COL11A2: variants seen among roughly 807,000 people sequenced by gnomAD.
COL11A2 encodes collagen type XI alpha 2 chain, also known as collagen alpha-2(XI) chain.
A neutral mutation model predicts 273.4 loss-of-function variants in COL11A2; 116 were observed. The ratio of observed to expected loss-of-function variants is 0.42; its 90% CI spans 0.36 to 0.49. The LOEUF (loss-of-function observed/expected upper bound fraction) is 0.49. COL11A2 is among the 20% of genes least tolerant of loss of function. The pLI, the probability that COL11A2 is intolerant of heterozygous loss-of-function variation, is 0.00. For missense variants in COL11A2, 1,866 were observed against 2,309.0 expected (o/e 0.81, Z 3.93); for synonymous variants, 782 against 864.2 (o/e 0.90, Z 1.67).
Position 33,176,609 on chromosome 6 carries a change from T to A in COL11A2, c.2115+112A>T, listed in dbSNP as rs1349972322. 1 of 1,392,870 alleles carries A rather than the reference T, an allele frequency of 7.2e-7. No homozygotes were observed. Among genetic ancestry groups the A allele is most frequent in the South Asian group, 1.2e-5 (1 of 83,758 alleles). The allele number at this position is 1,392,870 out of a possible 1,614,324, so 86.3% of individuals were successfully genotyped here. On this transcript the variant is annotated intron_variant, in intron 26 of 65. Coordinates refer to ENST00000341947, the MANE Select transcript of COL11A2 (RefSeq NM_080680.3). The surrounding 1 kb of genome is among the most constrained non-coding windows in gnomAD (Gnocchi z 4.9). ...GGGTAGGGTTACGGGGCACAGGAAT[T>A]GAGAATGTGGCAGAGCCATATGAAT...
At position 33,185,741 on chromosome 6, in the gene COL11A2, TA is replaced by T; in HGVS notation, c.835del (p.Tyr279IlefsTer4). 7.4e-7 allele frequency: 1 copy of T among 1,350,940 alleles called. No individual in the cohort carries two copies. Among genetic ancestry groups the T allele is most frequent in the Non-Finnish European group, 9.8e-7 (1 of 1,016,352 alleles). 83.7% of individuals were successfully genotyped at this position (1,350,940 alleles called of 1,614,324 possible). A position where few individuals can be genotyped will look rare whatever the true frequency, so the allele number is the denominator to read the frequency against. ...ESLYYDYEPP[Y>X]YDVMTTGTTP... ...TGTCCCCGTAGTCATCACATCATAATAGGGGGGCTCGTAGTCATAGTAGAGA... is the reference window on the plus strand; with the variant it reads ...TGTCCCCGTAGTCATCACATCATAATGGGGGGCTCGTAGTCATAGTAGAGA... On this transcript the variant is annotated frameshift_variant, in exon 6 of 66. Coordinates refer to ENST00000341947, the MANE Select transcript of COL11A2 (RefSeq NM_080680.3). LOFTEE classifies it high-confidence loss of function.
Position 33,167,944 on chromosome 6 carries a change from T to G in COL11A2, c.3961-92A>C. On this transcript the variant is annotated intron_variant, in intron 54 of 65. Transcript: ENST00000341947. This position sits in a 1 kb window ranked among gnomAD's most constrained non-coding sequence, Gnocchi z 6.1. ...CCTGTCCTAGACACACACATACACA[T>G]GCACACACACACGTGCATACACAGG... 1 of 1,362,850 alleles carries G rather than the reference T, an allele frequency of 7.3e-7. No homozygotes were observed. The highest frequency in any genetic ancestry group is 1.0e-6 in the Non-Finnish European group (1 of 964,028). 84.4% of individuals were successfully genotyped at this position (1,362,850 alleles called of 1,614,324 possible).
chr6:33,175,049 G>A (rs951312717), intron 30 of COL11A2, among the ~76,000 whole-genome samples: 2 of 152,192 alleles, frequency 1.3e-5, no homozygotes, highest in Admixed American at 1.3e-4. Flanking sequence ...GGGCTTAGAA[G>A]CAGAGATTCT....
chr6:33,187,227 T>A (rs947526601), intron 4 of COL11A2, among the ~76,000 whole-genome samples: 2 of 152,198 alleles, frequency 1.3e-5, no homozygotes, highest in Non-Finnish European at 2.9e-5. Context: ...TTTAGATGCC[T>A]TGGCCTTCCA....
At chr6:33,182,522 G>C (rs1424011247) in intron 8 of COL11A2, among the ~76,000 whole-genome samples, 1 of 151,590 alleles carries the variant, frequency 6.6e-6, no homozygotes, top group Non-Finnish European at 1.5e-5. Flanking sequence ...GACCAGCCTG[G>C]CCAACATGTG....
rs1484609639 is a variant in COL11A2, at chr6:33,186,666, T to C, written c.759A>G (p.Ser253=). 1.2e-6 allele frequency: 2 copies of C among 1,614,058 alleles called. No homozygotes were observed. The highest frequency in any genetic ancestry group is 1.6e-4 in the Middle Eastern group (1 of 6,062). Reference sequence around the variant, plus strand: ...CCTGATTTTGTGGCCTGTGAAGTCTTGATGGTTGCTGCTGTGGAGATCTCT... The same window carrying C: ...CCTGATTTTGTGGCCTGTGAAGTCTCGATGGTTGCTGCTGTGGAGATCTCT... ...RAQRSPQQQP[S]RLHRPQNQEP... The change falls in exon 5 of 66, where the codon TCA becomes TCG. Residue 253 remains serine (S), a synonymous_variant. Coordinates refer to ENST00000341947, the MANE Select transcript of COL11A2 (RefSeq NM_080680.3).
rs758926461 is a variant in COL11A2, at chr6:33,176,244, G to A, written c.2214+15C>T. 4.4e-6 allele frequency: 7 copies of A among 1,608,494 alleles called. No homozygotes were observed. In the African/African-American group the frequency reaches 5.3e-5, roughly 12 times the overall value. ...CAGGACTGAGGTGCTGGGAAGCTGG[G>A]GGCATGGTGCTCACCTTCTCACCCT... On this transcript the variant is annotated intron_variant, in intron 28 of 65. Coordinates refer to ENST00000341947, the MANE Select transcript of COL11A2 (RefSeq NM_080680.3). The surrounding 1 kb of genome is among the most constrained non-coding windows in gnomAD (Gnocchi z 4.9).
rs1771263787 is a variant in COL11A2 at position 33,178,643 on chromosome 6, T to C, written c.1719+36A>G. 6.2e-7 allele frequency: 1 copy of C among 1,611,358 alleles called. No individual in the cohort carries two copies. Among genetic ancestry groups the C allele is most frequent in the Admixed American group, 1.7e-5 (1 of 59,982 alleles). On this transcript the variant is annotated intron_variant, in intron 18 of 65. Coordinates refer to ENST00000341947, the MANE Select transcript of COL11A2 (RefSeq NM_080680.3). This position sits in a 1 kb window ranked among gnomAD's most constrained non-coding sequence, Gnocchi z 4.6. ...TATCCTCACTCCCATAGAAGATCTATCCCCAATTACAACACACACCCACTA... is the reference window on the plus strand; with the variant it reads ...TATCCTCACTCCCATAGAAGATCTACCCCCAATTACAACACACACCCACTA...
At chr6:33,174,633 C>T in intron 30 of COL11A2, 53 bp from the exon 31 acceptor site, 1 of 1,576,418 alleles carries the variant, frequency 6.3e-7, no homozygotes, top group East Asian at 2.2e-5. Context: ...GATGCCACTC[C>T]ACCCCTGGAG....
In COL11A2 at chr6:33,166,622, C is replaced by T; in HGVS notation, c.4339-56G>A. 1.9e-6 allele frequency: 3 copies of T among 1,611,566 alleles called. No individual in the cohort carries two copies. Among genetic ancestry groups the T allele is most frequent in the Non-Finnish European group, 2.5e-6 (3 of 1,178,122 alleles). On this transcript the variant is annotated intron_variant, in intron 59 of 65. Transcript: ENST00000341947. The surrounding 1 kb of genome is among the most constrained non-coding windows in gnomAD (Gnocchi z 4.8). ...TCCTCCTCCCACACCCTCCTGAGCA[C>T]CTGCTCGCTTACCCACAGCTGAGTC...
At position 33,167,669 on chromosome 6, in the gene COL11A2, C is replaced by T. The variant is rs1188601241; in HGVS notation, c.4014+130G>A. On this transcript the variant is annotated intron_variant, in intron 55 of 65. Coordinates refer to ENST00000341947, the MANE Select transcript of COL11A2 (RefSeq NM_080680.3). The surrounding 1 kb of genome is among the most constrained non-coding windows in gnomAD (Gnocchi z 6.1). ...GGAGCCCCTAGCGCAGGAACAAGTACAGGGAACGCCTGTCCCCATAAGGGC... is the reference window on the plus strand; with the variant it reads ...GGAGCCCCTAGCGCAGGAACAAGTATAGGGAACGCCTGTCCCCATAAGGGC... The T allele has an allele frequency of 3.4e-6, 5 of 1,453,236 alleles. No individual in the cohort carries two copies. Among genetic ancestry groups the T allele is most frequent in the Non-Finnish European group, 4.8e-6 (5 of 1,049,114 alleles). 90.0% of individuals were successfully genotyped at this position (1,453,236 alleles called of 1,614,324 possible).
chr6:33,185,785 T>C lies in COL11A2; in HGVS notation c.799-7A>G, dbSNP rs771451654. 4.8e-6 allele frequency: 6 copies of C among 1,240,296 alleles called. No individual in the cohort carries two copies. In the Admixed American group the frequency reaches 9.8e-5, roughly 20 times the overall value. 76.8% of individuals were successfully genotyped at this position (1,240,296 alleles called of 1,614,324 possible). On this transcript the variant is annotated splice_region_variant and splice_polypyrimidine_tract_variant and intron_variant, in intron 5 of 65. Coordinates refer to ENST00000341947, the MANE Select transcript of COL11A2 (RefSeq NM_080680.3). ...AGTAGAGAGACTCAGTGGGCTGGGA[T>C]TGGGGGGTGGGCATAGACAGGAAGG...
chr6:33,183,116 G>A (rs530733524), intron 8 of COL11A2, among the ~76,000 whole-genome samples: 5 of 152,262 alleles, frequency 3.3e-5, no homozygotes, highest in Non-Finnish European at 7.4e-5. Context: ...GGCAGAAGAC[G>A]GAGCGGAGTA....
In COL11A2 at chr6:33,169,076, G is replaced by C; in HGVS notation, c.3799-68C>G. 6.8e-7 allele frequency: 1 copy of C among 1,469,922 alleles called. No homozygotes were observed. The highest frequency in any genetic ancestry group is 9.2e-7 in the Non-Finnish European group (1 of 1,085,044). 91.1% of individuals were successfully genotyped at this position (1,469,922 alleles called of 1,614,324 possible). A position where few individuals can be genotyped will look rare whatever the true frequency, so the allele number is the denominator to read the frequency against. On this transcript the variant is annotated intron_variant, in intron 51 of 65. Coordinates refer to ENST00000341947, the MANE Select transcript of COL11A2 (RefSeq NM_080680.3). This position sits in a 1 kb window ranked among gnomAD's most constrained non-coding sequence, Gnocchi z 5.5. ...AGCCCACCCAGCACAGACGCCCACA[G>C]GCACACGCCACTGCCTCTCTAGAGG...
At chr6:33,187,262 T>C (rs1229182431) in intron 4 of COL11A2, among the ~76,000 whole-genome samples, 1 of 152,212 alleles carries the variant, frequency 6.6e-6, no homozygotes, top group African/African-American at 2.4e-5. Flanking sequence ...GAGAATTCTC[T>C]GGACCTCTAG....
At chr6:33,186,139 T>C (rs1209264968) in intron 5 of COL11A2, among the ~76,000 whole-genome samples, 1 of 151,852 alleles carries the variant, frequency 6.6e-6, no homozygotes, top group Non-Finnish European at 1.5e-5. Context: ...TACCTCCCCT[T>C]TTCCTGCCCC....
chr6:33,181,070 C>T (rs749036492), intron 9 of COL11A2, 41 bp downstream of exon 9: 1 of 1,614,098 alleles, frequency 6.2e-7, no homozygotes, highest in Admixed American at 1.7e-5. Context: ...ACTTGCTTCT[C>T]CTATTTCCAC....
Position 33,170,523 on chromosome 6 carries a change from T to C in COL11A2, c.3528+34A>G. The C allele has an allele frequency of 6.2e-7, 1 of 1,610,926 alleles. No homozygotes were observed. The highest frequency in any genetic ancestry group is 8.5e-7 in the Non-Finnish European group (1 of 1,178,972). On this transcript the variant is annotated intron_variant, in intron 47 of 65. Coordinates refer to ENST00000341947, the MANE Select transcript of COL11A2 (RefSeq NM_080680.3). This position sits in a 1 kb window ranked among gnomAD's most constrained non-coding sequence, Gnocchi z 4.3. Reference sequence around the variant, plus strand: ...GCTGGCCAGGGAGGGGGGTGACTAGTATGGTGGCTAGGGTCAGTAGGGGTC... The same window carrying C: ...GCTGGCCAGGGAGGGGGGTGACTAGCATGGTGGCTAGGGTCAGTAGGGGTC...
Position 33,188,382 on chromosome 6 carries a change from G to T in COL11A2, c.586C>A (p.Leu196Met), listed in dbSNP as rs201643550. ...HGVIIFGARILDEEVFEGDVQ... is the reference protein window; with the variant it reads ...HGVIIFGARIMDEEVFEGDVQ... Reference sequence around the variant, plus strand: ...GTTACCTCAAAGACTTCTTCATCCAGAATACGGGCACCAAAGATGATCACT... The same window carrying T: ...GTTACCTCAAAGACTTCTTCATCCATAATACGGGCACCAAAGATGATCACT... The change falls in exon 4 of 66, where the codon CTG becomes ATG. Residue 196 changes from leucine to methionine, a missense_variant. By Grantham distance (15) the Leu-to-Met change is conservative (BLOSUM62 2). Transcript: ENST00000341947. 6.2e-7 allele frequency: 1 copy of T among 1,613,074 alleles called. No homozygotes were observed. The highest frequency in any genetic ancestry group is 8.5e-7 in the Non-Finnish European group (1 of 1,180,036).
Sources: gnomAD v4.1 joint callset for allele counts (sites outside exome capture counted in the v4.1 genomes callset) on GRCh38, gnomAD v4.1.1 for gene constraint, Gnocchi (gnomAD v3.1) non-coding constraint, MANE v1.5 for transcripts, NCBI Gene and HGNC (gene_info 2026-07-23, HGNC 2026-07-21) for gene names.